Variants in RIN3 observed in about 807,000 individuals in gnomAD.
The protein encoded by RIN3 is Ras and Rab interactor 3.
In RIN3, 54 loss-of-function variants were observed where a neutral mutation model predicts 76.3. That is an observed-to-expected ratio of 0.71 (90% CI 0.57 to 0.89). RIN3 has a LOEUF of 0.89. RIN3 is among the 40% of genes least tolerant of loss of function. RIN3 has a pLI of 0.00. For missense variants in RIN3, 1,256 were observed against 1,322.1 expected (o/e 0.95, Z 0.78); for synonymous variants, 576 against 564.0 (o/e 1.02, Z -0.30).
Position 92,514,802 on chromosome 14 carries a change from C to T in RIN3, c.44+826C>T, listed in dbSNP as rs1896394199. 6.6e-6 allele frequency among the ~76,000 whole-genome samples: 1 copy of T among 152,248 alleles called. No individual in the cohort carries two copies. The highest frequency in any genetic ancestry group is 2.1e-4 in the South Asian group (1 of 4,838). On this transcript the variant is annotated intron_variant, in intron 1 of 9. Transcript: ENST00000216487. The surrounding 1 kb of genome is among the most constrained non-coding windows in gnomAD (Gnocchi z 7.2). ...CGCCTTGCCCAGCTCAGAGGGCGTCCTGAGAAGCTTCAGGTGTTGTAGAGA... is the reference window on the plus strand; with the variant it reads ...CGCCTTGCCCAGCTCAGAGGGCGTCTTGAGAAGCTTCAGGTGTTGTAGAGA...
chr14:92,671,017 G>A (rs1888270028), intron 7 of RIN3, among the ~76,000 whole-genome samples: 2 of 152,186 alleles, frequency 1.3e-5, no homozygotes, highest in South Asian at 4.1e-4. Flanking sequence ...CCCCTGGCAG[G>A]ACAGAGTGGC....
chr14:92,583,762 C>T (rs888856509), intron 3 of RIN3, among the ~76,000 whole-genome samples: 3 of 152,220 alleles, frequency 2.0e-5, no homozygotes, highest in Non-Finnish European at 2.9e-5. Context: ...TTAATGGCTG[C>T]ATAGTATTCC....
At chr14:92,610,327 A>G (rs1271783661) in intron 3 of RIN3, among the ~76,000 whole-genome samples, 2 of 151,932 alleles carry the variant, frequency 1.3e-5, no homozygotes, top group African/African-American at 4.8e-5. Flanking sequence ...GCATCCCCCT[A>G]TCTCCCCCTA....
At chr14:92,583,568 T>C (rs1884638362) in intron 3 of RIN3, among the ~76,000 whole-genome samples, 2 of 152,046 alleles carry the variant, frequency 1.3e-5, no homozygotes, top group African/African-American at 4.8e-5. Context: ...GAAAAAAAGA[T>C]GAAAAATAAC....
At chr14:92,630,671 G>A (rs1017272536) in intron 4 of RIN3, among the ~76,000 whole-genome samples, 3 of 152,172 alleles carry the variant, frequency 2.0e-5, no homozygotes, top group South Asian at 2.1e-4. Context: ...AGAAAAGCAG[G>A]TGCCCCTGGG....
intron 3 of RIN3, chr14:92,586,706 A>C (rs760852147): frequency 2.6e-5 from 4 of 152,222 alleles, no homozygotes; most frequent in Non-Finnish European, 5.9e-5. Context: ...CTGAAGGAAG[A>C]CAGTATGACA....
intron 1 of RIN3, among the ~76,000 whole-genome samples, chr14:92,519,452 G>T (rs112970689): frequency 6.6e-4 from 100 of 152,314 alleles, no homozygotes; most frequent in African/African-American, 2.3e-3. Flanking sequence ...CCTCTCGAGG[G>T]TGGCTGGGCT....
At chr14:92,540,223 A>G (rs77826962) in intron 1 of RIN3, among the ~76,000 whole-genome samples, 19,501 of 152,250 alleles carry the variant, frequency 0.13, 1,558 homozygotes, top group Middle Eastern at 0.21. Flanking sequence ...GAGGTCCGGA[A>G]GACCTGCCTA....
At chr14:92,654,515 G>T (rs910441564) in intron 6 of RIN3, among the ~76,000 whole-genome samples, 3 of 152,144 alleles carry the variant, frequency 2.0e-5, no homozygotes, top group African/African-American at 7.2e-5. Flanking sequence ...TAAAGGACAC[G>T]TGGGCCTCTG....
At chr14:92,528,045 G>A (rs559817810) in intron 1 of RIN3, among the ~76,000 whole-genome samples, 1 of 151,556 alleles carries the variant, frequency 6.6e-6, no homozygotes, top group Non-Finnish European at 1.5e-5. Context: ...GCAGCTCAGG[G>A]AGGGGGGCGT....
intron 1 of RIN3, among the ~76,000 whole-genome samples, chr14:92,521,662 C>G (rs1012196831): frequency 6.6e-5 from 10 of 152,216 alleles, no homozygotes; most frequent in Non-Finnish European, 1.5e-4. Flanking sequence ...GGAGTAGATG[C>G]TGGCACCATA....
At chr14:92,584,303 A>G (rs1187955405) in intron 3 of RIN3, among the ~76,000 whole-genome samples, 1 of 152,220 alleles carries the variant, frequency 6.6e-6, no homozygotes, top group African/African-American at 2.4e-5. Context: ...TGGGGCATTC[A>G]GGCGGGAAGA....
At chr14:92,680,579 C>G (rs370335088) in intron 8 of RIN3, among the ~76,000 whole-genome samples, 1 of 152,182 alleles carries the variant, frequency 6.6e-6, no homozygotes, top group Non-Finnish European at 1.5e-5. Flanking sequence ...AAGGCCCCAC[C>G]TCCTAACACC....
At chr14:92,592,172 C>T (rs1884999626) in intron 3 of RIN3, among the ~76,000 whole-genome samples, 3 of 152,032 alleles carry the variant, frequency 2.0e-5, no homozygotes, top group African/African-American at 7.2e-5. Flanking sequence ...GAGGCCGAGG[C>T]AGGTGGATCA....
chr14:92,561,244 G>C (rs1389826804), intron 2 of RIN3, among the ~76,000 whole-genome samples: 1 of 149,682 alleles, frequency 6.7e-6, no homozygotes, highest in Non-Finnish European at 1.5e-5. Context: ...GTCTACCCCT[G>C]CTGGCACCGA....
At chr14:92,526,365 G>A (rs966893280) in intron 1 of RIN3, among the ~76,000 whole-genome samples, 6 of 151,298 alleles carry the variant, frequency 4.0e-5, no homozygotes, top group East Asian at 1.9e-4. Context: ...AGGCTGATGC[G>A]GCAGGATCAG....
chr14:92,652,339 G>A lies in RIN3; in HGVS notation c.1290G>A (p.Thr430=), dbSNP rs757636074. 21 of 1,603,750 alleles carry A rather than the reference G, an allele frequency of 1.3e-5. No individual in the cohort carries two copies. Among genetic ancestry groups the A allele is most frequent in the East Asian group, 1.1e-4 (5 of 44,660 alleles). The change falls in exon 6 of 10, where the codon ACG becomes ACA. Residue 430 remains threonine, a synonymous_variant. Coordinates refer to ENST00000216487, the MANE Select transcript of RIN3 (RefSeq NM_024832.5). The surrounding 1 kb of genome is among the most constrained non-coding windows in gnomAD (Gnocchi z 6.4). ...DGPEDTPRES[T]EQGQDTEVKA... is the part of the protein sequence containing the mutation. ...CTGAGGACACGCCCCGGGAGAGCAC[G>A]GAGCAAGGCCAGGACACAGAGGTGA... is the stretch of plus-strand genomic sequence containing the variant.
intron 3 of RIN3, chr14:92,586,582 T>G (rs1884784237): frequency 1.3e-5 from 2 of 152,240 alleles, no homozygotes; most frequent in African/African-American, 4.8e-5. Flanking sequence ...TGAATCATAG[T>G]GGTGTATTCT....
intron 1 of RIN3, among the ~76,000 whole-genome samples, chr14:92,546,874 C>T (rs1010567127): frequency 1.3e-5 from 2 of 151,602 alleles, no homozygotes; most frequent in Non-Finnish European, 2.9e-5. Context: ...AGGGCATGAC[C>T]ACATGTGTGG....
Sources: gnomAD v4.1 joint callset for allele counts (sites outside exome capture counted in the v4.1 genomes callset) on GRCh38, gnomAD v4.1.1 for gene constraint, Gnocchi (gnomAD v3.1) non-coding constraint, MANE v1.5 for transcripts, NCBI Gene and HGNC (gene_info 2026-07-23, HGNC 2026-07-21) for gene names.